Variants in FRMPD4 observed in about 807,000 individuals in gnomAD.
The protein encoded by FRMPD4 is FERM and PDZ domain containing 4.
A neutral mutation model predicts 94.1 loss-of-function variants in FRMPD4; 22 were observed. The ratio of observed to expected loss-of-function variants is 0.23; its 90% CI spans 0.17 to 0.33. The LOEUF (loss-of-function observed/expected upper bound fraction) is 0.33. Ranked by LOEUF, FRMPD4 falls within the 10% of genes least tolerant of loss-of-function variation. The pLI is 1.00. For synonymous variants in FRMPD4, 631 were observed against 548.6 expected (o/e 1.15, Z -2.10); for missense variants, 1,111 against 1,339.9 (o/e 0.83, Z 2.67).
At position 12,604,438 on chromosome X, in the gene FRMPD4, G is replaced by A. The variant is rs1302673640; in HGVS notation, c.159-5283G>A. On this transcript the variant is annotated intron_variant, in intron 2 of 16. Transcript: ENST00000675598. The stretch of plus-strand genomic sequence containing the variant: ...TCTTGCCTTGTGTATATCAATGTAT[G>A]TTTGTATTTATTGTGTCATTGCATT... Among the ~76,000 whole-genome samples, 6 of 112,054 alleles carry A rather than the reference G, an allele frequency of 5.4e-5. No individual in the cohort carries two copies. In the East Asian group the frequency reaches 1.1e-3, roughly 21 times the overall value.
chrX:12,230,907 CTA>C (rs1212028551), intron 1 of FRMPD4, among the ~76,000 whole-genome samples: 108 of 80,560 alleles, frequency 1.3e-3, no homozygotes, highest in African/African-American at 4.6e-3. Context: ...ACTATATATA[CTA>C]TATATATTAC....
At chrX:12,615,661 T>C (rs1050788515) in intron 4 of FRMPD4, among the ~76,000 whole-genome samples, 6 of 111,324 alleles carry the variant, frequency 5.4e-5, no homozygotes, top group Non-Finnish European at 9.4e-5. Flanking sequence ...ATTTGTCTTT[T>C]ATAAACTCAT....
chrX:11,888,773 A>C (rs764807137), intron 3 of FRMPD4, among the ~76,000 whole-genome samples: 1 of 112,552 alleles, frequency 8.9e-6, no homozygotes, highest in Admixed American at 9.4e-5. Flanking sequence ...TTATTTCTAA[A>C]AAAAATGCAT....
At chrX:11,983,665 G>T (rs773842103) in intron 3 of FRMPD4, among the ~76,000 whole-genome samples, 4 of 111,706 alleles carry the variant, frequency 3.6e-5, no homozygotes, top group Non-Finnish European at 7.5e-5. Context: ...ACTCTGGATT[G>T]TAAGTTCCGT....
chrX:12,626,358 C>T (rs1348092157), intron 4 of FRMPD4, among the ~76,000 whole-genome samples: 1 of 105,823 alleles, frequency 9.4e-6, no homozygotes, highest in Non-Finnish European at 1.9e-5. Context: ...AAGAGGAGTA[C>T]ACCAAGACAT....
chrX:12,090,684 C>T (rs367867972), intron 3 of FRMPD4, among the ~76,000 whole-genome samples: 7 of 111,355 alleles, frequency 6.3e-5, no homozygotes, highest in African/African-American at 1.3e-4. Context: ...AGTTTAAAAA[C>T]GAGATAAGGA....
intron 3 of FRMPD4, among the ~76,000 whole-genome samples, chrX:12,094,942 C>T (rs2055185686): frequency 9.0e-6 from 1 of 111,696 alleles, no homozygotes; most frequent in Non-Finnish European, 1.9e-5. Context: ...TACCCAAACT[C>T]AGGTTTTACT....
intron 3 of FRMPD4, among the ~76,000 whole-genome samples, chrX:12,016,906 G>C (rs1440446811): frequency 1.8e-5 from 2 of 111,790 alleles, no homozygotes; most frequent in African/African-American, 6.5e-5. Flanking sequence ...AGCAAACCCT[G>C]GCCTTCCTTC....
At chrX:11,874,157 A>G (rs2053770683) in intron 2 of FRMPD4, among the ~76,000 whole-genome samples, 1 of 112,361 alleles carries the variant, frequency 8.9e-6, no homozygotes, top group Admixed American at 9.4e-5. Context: ...TATAACAACT[A>G]TTTTATTTTT....
chrX:12,027,983 A>G (rs1732012491), intron 3 of FRMPD4, among the ~76,000 whole-genome samples: 1 of 112,115 alleles, frequency 8.9e-6, no homozygotes, highest in South Asian at 3.7e-4. Flanking sequence ...AACATAAAGG[A>G]TGCGTTCGTT....
At chrX:12,176,100 TG>T (rs1311788998) in intron 1 of FRMPD4, among the ~76,000 whole-genome samples, 7 of 111,830 alleles carry the variant, frequency 6.3e-5, no homozygotes, top group Non-Finnish European at 1.3e-4. Context: ...AGAACAGAGT[TG>T]GGAAGACATG....
intron 3 of FRMPD4, among the ~76,000 whole-genome samples, chrX:12,059,193 A>G (rs1054799912): frequency 8.9e-6 from 1 of 112,037 alleles, no homozygotes; most frequent in Non-Finnish European, 1.9e-5. Context: ...TAAAAAATGT[A>G]TCTAATGTTA....
At chrX:12,183,169 C>A (rs1302825747) in intron 1 of FRMPD4, among the ~76,000 whole-genome samples, 1 of 111,395 alleles carries the variant, frequency 9.0e-6, no homozygotes, top group Admixed American at 9.5e-5. Flanking sequence ...AAGTGCTTGC[C>A]TCCCTAGTTC....
chrX:12,710,633 C>A, intron 14 of FRMPD4, 96 bp downstream of exon 14: 4 of 832,037 alleles, frequency 4.8e-6, no homozygotes, highest in Non-Finnish European at 3.4e-6. Flanking sequence ...TAAGGCCAGG[C>A]GCGGTGGCTC....
At chrX:12,231,009 AG>A (rs1228824886) in intron 1 of FRMPD4, among the ~76,000 whole-genome samples, 48 of 45,850 alleles carry the variant, frequency 1.0e-3, no homozygotes, top group Middle Eastern at 0.01. Context: ...TATAATATAT[AG>A]TATATATAGT....
intron 1 of FRMPD4, among the ~76,000 whole-genome samples, chrX:12,479,421 T>TACACATATATATACATATAC (rs1465880031): frequency 1.7e-5 from 1 of 58,553 alleles, no homozygotes; most frequent in Non-Finnish European, 3.8e-5. Context: ...TATACATATA[T>TACACATATATATACATATAC]ACGTATATAT....
intron 2 of FRMPD4, among the ~76,000 whole-genome samples, chrX:12,559,510 T>C (rs1013464384): frequency 6.4e-5 from 7 of 110,064 alleles, no homozygotes; most frequent in African/African-American, 1.7e-4. Context: ...ATTAGCTGGG[T>C]GTGGTGGCAG....
At chrX:12,012,811 C>T (rs888742696) in intron 3 of FRMPD4, among the ~76,000 whole-genome samples, 3 of 111,426 alleles carry the variant, frequency 2.7e-5, no homozygotes, top group South Asian at 7.6e-4. Flanking sequence ...TAGTAGCCTT[C>T]GATGGGGCAG....
At chrX:12,715,091 T>G (rs1425015516) in intron 14 of FRMPD4, among the ~76,000 whole-genome samples, 1 of 111,577 alleles carries the variant, frequency 9.0e-6, no homozygotes, top group Admixed American at 9.5e-5. Context: ...GATGGGAGAA[T>G]AGTATGGCCC....
Sources: allele counts gnomAD v4.1 joint callset (sites outside exome capture counted in the v4.1 genomes callset), GRCh38; gene constraint gnomAD v4.1.1; transcripts MANE v1.5; gene names NCBI Gene and HGNC (gene_info 2026-07-23, HGNC 2026-07-21).